TNC: variants seen among roughly 807,000 people sequenced by gnomAD.
The protein encoded by TNC is tenascin.
Under a neutral mutation model 202.4 loss-of-function variants are expected in TNC, and 109 were observed. That is an observed-to-expected ratio of 0.54 (90% CI 0.46 to 0.63). The LOEUF is 0.63. Among genes scored for constraint, TNC ranks in the 30% least tolerant of loss-of-function variants. The probability of loss-of-function intolerance (pLI) is 0.00; values close to 1 mark genes in which losing one functional copy is unlikely to be tolerated. For missense variants in TNC, 2,756 were observed against 2,833.3 expected (o/e 0.97, Z 0.62); for synonymous variants, 1,007 against 1,089.7 (o/e 0.92, Z 1.50).
intron 1 of TNC, among the ~76,000 whole-genome samples, chr9:115,114,208 G>A (rs1285320766): frequency 6.6e-6 from 1 of 152,136 alleles, no homozygotes; most frequent in African/African-American, 2.4e-5. Flanking sequence ...AACTGGCCCG[G>A]GATAAGATTC....
intron 17 of TNC, 74 bp from the exon 18 acceptor site, chr9:115,042,415 C>A: frequency 6.4e-7 from 1 of 1,569,248 alleles, no homozygotes. Context: ...TTCCTGAATT[C>A]CTTATTTAGG....
intron 24 of TNC, 74 bp from the exon 25 acceptor site, chr9:115,029,530 G>C (rs1054101251): frequency 4.4e-5 from 62 of 1,405,080 alleles, no homozygotes; most frequent in Non-Finnish European, 5.0e-5. Context: ...AGAGGAAGGA[G>C]TGTGGCACTG....
intron 10 of TNC, among the ~76,000 whole-genome samples, chr9:115,071,882 T>C (rs1353743760): frequency 6.6e-6 from 1 of 152,236 alleles, no homozygotes; most frequent in African/African-American, 2.4e-5. Context: ...ATTTATTTCT[T>C]CTTGGTTCTA....
At chr9:115,108,662 A>AATGTTTGT (rs1367215453) in intron 1 of TNC, among the ~76,000 whole-genome samples, 2 of 152,160 alleles carry the variant, frequency 1.3e-5, no homozygotes, top group Non-Finnish European at 2.9e-5. Flanking sequence ...CTATGGTCTG[A>AATGTTTGT]ATGTTTGTGT....
chr9:115,021,396 C>G, intron 27 of TNC, 129 bp from the exon 28 acceptor site: 1 of 654,416 alleles, frequency 1.5e-6, no homozygotes, highest in South Asian at 1.9e-5. Context: ...TTCAATTTGA[C>G]CATTTGGTAT....
At chr9:115,037,980 G>A (rs1226349248) in intron 20 of TNC, among the ~76,000 whole-genome samples, 1 of 152,192 alleles carries the variant, frequency 6.6e-6, no homozygotes, top group Non-Finnish European at 1.5e-5. Context: ...TTTCCTAAAC[G>A]GGGTGTCTCA....
chr9:115,076,381 A>G lies in TNC; in HGVS notation c.2860+9T>C, dbSNP rs1833854042. Reference sequence around the variant, plus strand: ...GGCTGGCTCAGGCTTGCAGAGATGCAGAGCTCACCTGTGAGTGTGGTTTTG... The same window carrying G: ...GGCTGGCTCAGGCTTGCAGAGATGCGGAGCTCACCTGTGAGTGTGGTTTTG... On this transcript the variant is annotated intron_variant, in intron 8 of 27. Coordinates refer to ENST00000350763, the MANE Select transcript of TNC (RefSeq NM_002160.4). The G allele has an allele frequency of 6.2e-7, 1 of 1,613,636 alleles. No homozygotes were observed. Among genetic ancestry groups the G allele is most frequent in the East Asian group, 2.2e-5 (1 of 44,892 alleles).
chr9:115,028,923 T>TG (rs1829718588), intron 25 of TNC, among the ~76,000 whole-genome samples: 1 of 54,560 alleles, frequency 1.8e-5, no homozygotes, highest in African/African-American at 7.7e-5. Context: ...ACATTATCTC[T>TG]GAAAAAAAAA....
At chr9:115,055,373 G>A (rs1310210391) in intron 15 of TNC, 1 of 152,590 alleles carries the variant, frequency 6.6e-6, no homozygotes, top group East Asian at 1.9e-4. Flanking sequence ...ATTTGAGAAG[G>A]ATTGGGAGCA....
intron 24 of TNC, among the ~76,000 whole-genome samples, chr9:115,029,854 A>G (rs893777734): frequency 6.6e-6 from 1 of 152,190 alleles, no homozygotes; most frequent in African/African-American, 2.4e-5. Context: ...TCAAAAATAC[A>G]CTACCCAGCT....
intron 27 of TNC, among the ~76,000 whole-genome samples, chr9:115,022,533 G>A (rs1829154353): frequency 6.6e-6 from 1 of 152,088 alleles, no homozygotes; most frequent in African/African-American, 2.4e-5. Context: ...TGAATGGAAG[G>A]ATGAAAGAGA....
chr9:115,058,757 T>C (rs576762941), intron 14 of TNC, among the ~76,000 whole-genome samples: 13 of 152,354 alleles, frequency 8.5e-5, no homozygotes, highest in African/African-American at 3.1e-4. Context: ...AGCAGTCATA[T>C]GCAAAATGAA....
In TNC at chr9:115,084,219, C is replaced by T. The variant is rs200840985; in HGVS notation, c.2121G>A (p.Arg707=). Residue 707 remains arginine, a synonymous_variant, in exon 4 of 28, where the codon AGG becomes AGA. Transcript: ENST00000350763. Reference sequence around the variant, plus strand: ...GTTCTGCTCACTCACACGTGGCCACCCTGGCGCTGACAGGAATGCTCTTCT... The same window carrying T: ...GTTCTGCTCACTCACACGTGGCCACTCTGGCGCTGACAGGAATGCTCTTCT... ...ENKKSIPVSA[R]VATYLPAPEG... 35 of 1,613,830 alleles carry T rather than the reference C, an allele frequency of 2.2e-5. No individual in the cohort carries two copies. Among genetic ancestry groups the T allele is most frequent in the Non-Finnish European group, 2.8e-5 (33 of 1,179,934 alleles).
At chr9:115,043,602 C>T (rs1564428793) in intron 17 of TNC, among the ~76,000 whole-genome samples, 3 of 152,238 alleles carry the variant, frequency 2.0e-5, no homozygotes, top group African/African-American at 4.8e-5. Flanking sequence ...AGCACAGCAT[C>T]TGGCATGCAG....
chr9:115,063,011 G>A lies in TNC; in HGVS notation c.3939C>T (p.Ile1313=). ...AAGGAGTGCCAGCCCTGAGGCCTGG[G>A]ATTTCCATGGAACGCAGGCTGCCAG... is the stretch of plus-strand genomic sequence containing the variant. ...TVPGSLRSME[I]PGLRAGTPYT... Residue 1313 remains isoleucine (I), a synonymous_variant, in exon 13 of 28, where the codon ATC becomes ATT. Coordinates refer to ENST00000350763, the MANE Select transcript of TNC (RefSeq NM_002160.4). The A allele has an allele frequency of 6.2e-7, 1 of 1,614,118 alleles. No individual in the cohort carries two copies. The highest frequency in any genetic ancestry group is 1.7e-5 in the Admixed American group (1 of 60,012).
chr9:115,115,992 CA>C (rs1837434540), intron 1 of TNC, among the ~76,000 whole-genome samples: 1 of 152,156 alleles, frequency 6.6e-6, no homozygotes, highest in South Asian at 2.1e-4. Context: ...AAATGATAAA[CA>C]GAGAAACTAA....
At chr9:115,095,914 G>A (rs1026107543) in intron 1 of TNC, among the ~76,000 whole-genome samples, 1 of 151,892 alleles carries the variant, frequency 6.6e-6, no homozygotes, top group Admixed American at 6.6e-5. Flanking sequence ...AAGGGAATCA[G>A]GAAGAGACAT....
intron 25 of TNC, among the ~76,000 whole-genome samples, chr9:115,027,434 A>G (rs1184363178): frequency 2.0e-5 from 3 of 151,940 alleles, no homozygotes; most frequent in Admixed American, 6.6e-5. Flanking sequence ...TACTGAATAT[A>G]CAAAAATTAG....
At chr9:115,057,528 G>C in intron 14 of TNC, 103 bp from the exon 15 acceptor site, 1 of 1,216,016 alleles carries the variant, frequency 8.2e-7, no homozygotes. Flanking sequence ...GCTGGGTAGA[G>C]AGATCTGATA....
Sources: gnomAD v4.1 joint callset for allele counts (sites outside exome capture counted in the v4.1 genomes callset) on GRCh38, gnomAD v4.1.1 for gene constraint, MANE v1.5 for transcripts, NCBI Gene and HGNC (gene_info 2026-07-23, HGNC 2026-07-21) for gene names.